POLA1: variants seen among roughly 807,000 people sequenced by gnomAD.
POLA1 encodes the protein DNA polymerase alpha catalytic subunit.
A neutral mutation model predicts 124.0 loss-of-function variants in POLA1; 15 were observed. The ratio of observed to expected loss-of-function variants is 0.12; its 90% CI spans 0.08 to 0.19. POLA1 has a LOEUF of 0.19. Ranked by LOEUF, POLA1 falls within the 10% of genes least tolerant of loss-of-function variation. The pLI, the probability that POLA1 is intolerant of heterozygous loss-of-function variation, is 1.00. For synonymous variants in POLA1, 408 were observed against 389.4 expected (o/e 1.05, Z -0.56); for missense variants, 886 against 1,103.4 (o/e 0.80, Z 2.79).
intron 31 of POLA1, among the ~76,000 whole-genome samples, chrX:24,822,995 A>G (rs2046115336): frequency 8.9e-6 from 1 of 111,813 alleles, no homozygotes; most frequent in Non-Finnish European, 1.9e-5. Context: ...TAGGATGATC[A>G]TTGTATTTAA....
intron 35 of POLA1, among the ~76,000 whole-genome samples, chrX:24,911,804 C>A (rs765683195): frequency 3.8e-4 from 43 of 112,078 alleles, no homozygotes; most frequent in African/African-American, 1.3e-3. Context: ...GAATACTCCA[C>A]ATATTTGACA....
intron 34 of POLA1, among the ~76,000 whole-genome samples, chrX:24,854,944 C>G (rs1315512035): frequency 9.0e-6 from 1 of 111,279 alleles, no homozygotes; most frequent in Non-Finnish European, 1.9e-5. Context: ...ATACATTATG[C>G]TATATCAATG....
chrX:24,863,583 A>AC (rs995121821), intron 34 of POLA1, among the ~76,000 whole-genome samples: 16 of 111,604 alleles, frequency 1.4e-4, no homozygotes, highest in African/African-American at 4.9e-4. Flanking sequence ...CTGGAAGGAC[A>AC]CCCCCCTCTC....
intron 1 of POLA1, 120 bp from the exon 2 acceptor site, chrX:24,699,305 A>T: frequency 2.2e-6 from 1 of 463,131 alleles, no homozygotes; most frequent in Non-Finnish European, 3.5e-6. Context: ...TATAAACATT[A>T]TCTACTTGTA....
At chrX:24,912,300 G>A (rs191380070) in intron 35 of POLA1, among the ~76,000 whole-genome samples, 1 of 112,085 alleles carries the variant, frequency 8.9e-6, no homozygotes, top group African/African-American at 3.2e-5. Flanking sequence ...TCATGACCTA[G>A]GGTTAGGCAA....
intron 36 of POLA1, among the ~76,000 whole-genome samples, chrX:24,994,576 A>G (rs922484742): frequency 1.3e-4 from 14 of 111,800 alleles, no homozygotes; most frequent in Middle Eastern, 9.2e-3. Context: ...GAGGCCTGCA[A>G]ATTTCTATGT....
intron 26 of POLA1, among the ~76,000 whole-genome samples, chrX:24,807,281 A>G (rs915169960): frequency 2.7e-5 from 3 of 112,314 alleles, no homozygotes; most frequent in Admixed American, 9.4e-5. Context: ...CAGGTATTTT[A>G]TTGAGGTAAC....
rs764273746 is a variant in POLA1 at position 24,928,140 on chromosome X, G to T, written c.4165-2313G>T. ...ATGTCAGGAATCAAAAGGGCAGGAG[G>T]TGTTGGTATATTTTTTTAAAATATA... On this transcript the variant is annotated intron_variant, in intron 35 of 36. Coordinates refer to ENST00000379068, the MANE Select transcript of POLA1 (RefSeq NM_001330360.2). Among the ~76,000 whole-genome samples the T allele has an allele frequency of 1.3e-4, 14 of 111,838 alleles. No individual in the cohort carries two copies. The South Asian group carries it at 5.3e-3, about 42-fold the overall frequency.
At chrX:24,805,046 C>T (rs1260515821) in intron 26 of POLA1, among the ~76,000 whole-genome samples, 1 of 111,019 alleles carries the variant, frequency 9.0e-6, no homozygotes, top group African/African-American at 3.3e-5. Flanking sequence ...CTTTCTAGTT[C>T]CCACTACCCT....
At chrX:24,881,410 ACAC>A (rs767202128) in intron 34 of POLA1, among the ~76,000 whole-genome samples, 2 of 111,915 alleles carry the variant, frequency 1.8e-5, no homozygotes, top group Non-Finnish European at 3.8e-5. Context: ...CCCCTGAACA[ACAC>A]TAATAGAGTA....
chrX:24,906,962 C>G (rs768936915), intron 35 of POLA1, among the ~76,000 whole-genome samples: 1 of 111,282 alleles, frequency 9.0e-6, no homozygotes, highest in Non-Finnish European at 1.9e-5. Context: ...CCGAGCCGGA[C>G]AGTTCACTTG....
At chrX:24,976,999 C>G (rs1410419158) in intron 36 of POLA1, among the ~76,000 whole-genome samples, 1 of 112,467 alleles carries the variant, frequency 8.9e-6, no homozygotes, top group African/African-American at 3.2e-5. Flanking sequence ...CTCTGCTTTT[C>G]TAAACCTGCT....
At chrX:24,753,658 T>G (rs1048575273) in intron 26 of POLA1, among the ~76,000 whole-genome samples, 1 of 112,137 alleles carries the variant, frequency 8.9e-6, no homozygotes, top group Non-Finnish European at 1.9e-5. Flanking sequence ...CCTGGCTTTA[T>G]TGGGGAATTT....
chrX:24,927,978 A>G (rs759983095), intron 35 of POLA1, among the ~76,000 whole-genome samples: 2 of 111,936 alleles, frequency 1.8e-5, no homozygotes, highest in South Asian at 7.4e-4. Flanking sequence ...CAAGACAACA[A>G]AAGTAGGTGT....
Position 24,714,519 on chromosome X carries a change from T to G in POLA1, c.347-35T>G, listed in dbSNP as rs1344693583. 3 of 860,733 alleles carry G rather than the reference T, an allele frequency of 3.5e-6. No homozygotes were observed. In the African/African-American group the frequency reaches 6.0e-5, roughly 17 times the overall value. The allele number at this position is 860,733 out of a possible 1,213,427, so 70.9% of individuals were successfully genotyped here. A position where few individuals can be genotyped will look rare whatever the true frequency, so the allele number is the denominator to read the frequency against. On this transcript the variant is annotated intron_variant, in intron 4 of 36. Transcript: ENST00000379068. ...TTTAGTTTTCCATTTTGATTTTTGC[T>G]GATGCATGTTTCTAAATAATTCATA...
At chrX:24,702,335 C>T (rs1377495303) in intron 2 of POLA1, among the ~76,000 whole-genome samples, 2 of 112,688 alleles carry the variant, frequency 1.8e-5, no homozygotes, top group African/African-American at 3.2e-5. Flanking sequence ...TCCCAAAGTG[C>T]TGGGATTACA....
At chrX:24,836,029 C>T (rs1350458818) in intron 32 of POLA1, among the ~76,000 whole-genome samples, 1 of 111,757 alleles carries the variant, frequency 8.9e-6, no homozygotes, top group African/African-American at 3.2e-5. Context: ...TACATTACTA[C>T]ATTCCCAGAA....
Position 24,930,518 on chromosome X carries a change from A to C in POLA1, c.4230A>C (p.Ala1410=). ...FYRYIFDAEC[A]LEKLTTDHEK... is the part of the protein sequence containing the mutation. Reference sequence around the variant, plus strand: ...GGTACATTTTTGATGCGGAGTGTGCACTGGAGAAACTTACTACCGATCATG... The same window carrying C: ...GGTACATTTTTGATGCGGAGTGTGCCCTGGAGAAACTTACTACCGATCATG... The change falls in exon 36 of 37, where the codon GCA becomes GCC. Residue 1410 remains alanine, a synonymous_variant. Coordinates refer to ENST00000379068, the MANE Select transcript of POLA1 (RefSeq NM_001330360.2). 1 of 1,176,573 alleles carries C rather than the reference A, an allele frequency of 8.5e-7. No individual in the cohort carries two copies. The highest frequency in any genetic ancestry group is 3.0e-5 in the East Asian group (1 of 33,739).
intron 26 of POLA1, among the ~76,000 whole-genome samples, chrX:24,776,829 G>T (rs1425180289): frequency 3.6e-5 from 4 of 112,235 alleles, no homozygotes; most frequent in Non-Finnish European, 7.5e-5. Flanking sequence ...ACTTAACCAG[G>T]AAGAACATGA....
Sources: gnomAD v4.1 joint callset for allele counts (sites outside exome capture counted in the v4.1 genomes callset) on GRCh38, gnomAD v4.1.1 for gene constraint, MANE v1.5 for transcripts, NCBI Gene and HGNC (gene_info 2026-07-23, HGNC 2026-07-21) for gene names.